The following COA1 variants were observed in gnomAD, a reference collection of about 807,000 sequenced individuals.
COA1 encodes the protein cytochrome c oxidase assembly factor 1 homolog.
Under a neutral mutation model 16.0 loss-of-function variants are expected in COA1, and 13 were observed. The ratio of observed to expected loss-of-function variants is 0.81; its 90% CI spans 0.53 to 1.29. COA1 has a LOEUF of 1.29. Among genes scored for constraint, COA1 ranks in the 50% most tolerant of loss-of-function variants. The pLI, the probability that COA1 is intolerant of heterozygous loss-of-function variation, is 0.00. For missense variants in COA1, 179 were observed against 177.0 expected (o/e 1.01, Z -0.06); for synonymous variants, 65 against 65.7 (o/e 0.99, Z 0.05).
intron 6 of COA1, among the ~76,000 whole-genome samples, chr7:43,633,911 G>A (rs1322452716): frequency 6.6e-6 from 1 of 151,986 alleles, no homozygotes; most frequent in Non-Finnish European, 1.5e-5. Context: ...ACCAATTGCA[G>A]TCTGTTTTCT....
At chr7:43,702,985 T>C (rs2094811906) in intron 1 of COA1, among the ~76,000 whole-genome samples, 1 of 152,206 alleles carries the variant, frequency 6.6e-6, no homozygotes, top group Non-Finnish European at 1.5e-5. Context: ...TGTAGGCATT[T>C]AGCACTATAA....
intron 1 of COA1, among the ~76,000 whole-genome samples, chr7:43,703,009 C>T (rs1487616260): frequency 6.6e-6 from 1 of 152,066 alleles, no homozygotes; most frequent in Non-Finnish European, 1.5e-5. Context: ...TTCCTCTTAA[C>T]CTTTAGTTGT....
intron 1 of COA1, among the ~76,000 whole-genome samples, chr7:43,685,120 G>C (rs1034559585): frequency 7.0e-6 from 1 of 142,600 alleles, no homozygotes; most frequent in African/African-American, 2.6e-5. Context: ...TTATAATCCA[G>C]CAGCCTGGGC....
intron 3 of COA1, 38 bp from the exon 4 acceptor site, chr7:43,645,437 T>G (rs757828021): frequency 1.3e-6 from 2 of 1,597,356 alleles, no homozygotes; most frequent in East Asian, 2.2e-5. Flanking sequence ...TTTATTGAAC[T>G]TGGTCAGGTA....
rs1172947292 is a variant in COA1 at position 43,728,035 on chromosome 7, C to T, written c.-39+1394G>A. Among the ~76,000 whole-genome samples the T allele has an allele frequency of 3.4e-5, 5 of 148,752 alleles. No homozygotes were observed. In the South Asian group the frequency reaches 6.3e-4, roughly 19 times the overall value. On this transcript the variant is annotated intron_variant, in intron 1 of 5. Coordinates refer to ENST00000223336, the MANE Select transcript of COA1 (RefSeq NM_018224.4). ...TCTCGCCCAGGCTGGAGTGCAGTGGCGCAATCTCGGCTCACTGCAAGCTCC... is the reference window on the plus strand; with the variant it reads ...TCTCGCCCAGGCTGGAGTGCAGTGGTGCAATCTCGGCTCACTGCAAGCTCC...
chr7:43,632,013 GT>G (rs1563190185), intron 6 of COA1: 1 of 152,230 alleles, frequency 6.6e-6, no homozygotes. Flanking sequence ...CAACAGTGAA[GT>G]TTGCTGCATT....
chr7:43,720,990 A>G (rs1485843076), intron 1 of COA1, among the ~76,000 whole-genome samples: 2 of 152,216 alleles, frequency 1.3e-5, no homozygotes, highest in Non-Finnish European at 2.9e-5. Flanking sequence ...AATGCCACCA[A>G]CTACCAGAGA....
intron 1 of COA1, among the ~76,000 whole-genome samples, chr7:43,669,585 G>A (rs955562548): frequency 2.0e-5 from 3 of 152,040 alleles, no homozygotes; most frequent in Non-Finnish European, 2.9e-5. Flanking sequence ...TCCCCTGAGC[G>A]CTATGCAAAT....
intron 6 of COA1, chr7:43,631,898 TA>T (rs1302898539): frequency 1.3e-5 from 2 of 152,222 alleles, no homozygotes; most frequent in African/African-American, 4.8e-5. Context: ...TGCCTAAAAA[TA>T]ATGTACATAC....
At chr7:43,705,855 C>G (rs2094950878) in intron 1 of COA1, among the ~76,000 whole-genome samples, 1 of 152,190 alleles carries the variant, frequency 6.6e-6, no homozygotes. Context: ...TTCACTCACC[C>G]CATCCCTAGG....
chr7:43,708,695 C>T (rs931618170), intron 1 of COA1, among the ~76,000 whole-genome samples: 28 of 152,108 alleles, frequency 1.8e-4, no homozygotes, highest in Non-Finnish European at 3.4e-4. Flanking sequence ...ATTCTACTGG[C>T]TTGTCTTTTT....
At chr7:43,659,952 T>A (rs2092260573) in intron 1 of COA1, among the ~76,000 whole-genome samples, 1 of 152,166 alleles carries the variant, frequency 6.6e-6, no homozygotes, top group Non-Finnish European at 1.5e-5. Flanking sequence ...GACTCAGACA[T>A]ACACACATAC....
intron 6 of COA1, chr7:43,624,764 G>T (rs777009041): frequency 2.5e-6 from 4 of 1,613,186 alleles, no homozygotes; most frequent in African/African-American, 1.3e-5. Context: ...AAGAGAAAAT[G>T]GAGCAAAAGG....
chr7:43,695,095 T>TA (rs1217449356), intron 1 of COA1, among the ~76,000 whole-genome samples: 6 of 152,238 alleles, frequency 3.9e-5, no homozygotes, highest in African/African-American at 1.4e-4. Flanking sequence ...TAGACTAAGT[T>TA]ACCATCATCT....
chr7:43,683,927 GGTAAGGAACAATGTTTGAGGT>G, intron 1 of COA1, among the ~76,000 whole-genome samples: 1 of 152,254 alleles, frequency 6.6e-6, no homozygotes, highest in African/African-American at 2.4e-5. Flanking sequence ...CAAACACAAA[GGTAAGGAACAATGTTTGAGGT>G]CACAACTGAA....
intron 1 of COA1, among the ~76,000 whole-genome samples, chr7:43,725,885 C>T (rs560524887): frequency 2.0e-5 from 3 of 149,908 alleles, no homozygotes; most frequent in Admixed American, 1.3e-4. Flanking sequence ...TATATATATA[C>T]TATATATATT....
At position 43,644,817 on chromosome 7, in the gene COA1, G is replaced by GAGAGAGAGAGAGAGAGAGAGAC. The variant is rs1245137600; in HGVS notation, c.264+433_264+434insGTCTCTCTCTCTCTCTCTCTCT. Among the ~76,000 whole-genome samples the GAGAGAGAGAGAGAGAGAGAGAC allele has an allele frequency of 3.5e-3, 443 of 126,724 alleles. 30 individuals carry two copies. The highest frequency in any genetic ancestry group is 5.9e-3 in the Non-Finnish European group (306 of 52,150). The allele number at this position is 126,724 out of a possible 152,430, so 83.1% of individuals were successfully genotyped here. A position where few individuals can be genotyped will look rare whatever the true frequency, so the allele number is the denominator to read the frequency against. On this transcript the variant is annotated intron_variant, in intron 4 of 5. Transcript: ENST00000223336. ...AGAGAGACAGAGAGAGAGAGAGAGA[G>GAGAGAGAGAGAGAGAGAGAGAC]AGAGAGAGAGAGAGAGACAGGGTCT...
chr7:43,623,723 T>C, intron 6 of COA1: 1 of 1,606,908 alleles, frequency 6.2e-7, no homozygotes, highest in Non-Finnish European at 8.5e-7. Flanking sequence ...ATTGGAGTGT[T>C]AACATATGTC....
downstream of COA1, among the ~76,000 whole-genome samples, chr7:43,637,364 G>A (rs1000939563): frequency 6.6e-6 from 1 of 152,142 alleles, no homozygotes; most frequent in Admixed American, 6.5e-5. Context: ...TTTGCTGGCT[G>A]TGATCCCTCT....
Sources: allele counts gnomAD v4.1 joint callset (sites outside exome capture counted in the v4.1 genomes callset), GRCh38; gene constraint gnomAD v4.1.1; transcripts MANE v1.5; gene names NCBI Gene and HGNC (gene_info 2026-07-23, HGNC 2026-07-21).